The following CCDC152 variants were observed in gnomAD, a reference collection of about 807,000 sequenced individuals.
The protein encoded by CCDC152 is coiled-coil domain-containing protein 152.
Under a neutral mutation model 38.1 loss-of-function variants are expected in CCDC152, and 37 were observed. That is an observed-to-expected ratio of 0.97 (90% CI 0.75 to 1.28). CCDC152 has a LOEUF of 1.28. Among genes scored for constraint, CCDC152 ranks in the 50% most tolerant of loss-of-function variants. CCDC152 has a pLI of 0.00. For missense variants in CCDC152, 259 were observed against 292.1 expected (o/e 0.89, Z 0.83); for synonymous variants, 83 against 87.1 (o/e 0.95, Z 0.26).
chr5:42,769,639 C>A lies in CCDC152; in HGVS notation c.236C>A (p.Thr79Asn). The change falls in exon 4 of 9, where the codon ACC becomes AAC. Residue 79 changes from threonine (T) to asparagine (N), a missense_variant. Transcript: ENST00000361970. ...LHNIIKGLQQ[T>N]IEYQQNLKGE... Reference sequence around the variant, plus strand: ...AATATAATAAAAGGGCTACAACAGACCATTGAATATCAACAGAATTTGAAA... The same window carrying A: ...AATATAATAAAAGGGCTACAACAGAACATTGAATATCAACAGAATTTGAAA... 6.8e-7 allele frequency: 1 copy of A among 1,479,424 alleles called. No individual in the cohort carries two copies. Among genetic ancestry groups the A allele is most frequent in the Non-Finnish European group, 9.0e-7 (1 of 1,112,120 alleles). 91.6% of individuals were successfully genotyped at this position (1,479,424 alleles called of 1,614,324 possible).
chr5:42,800,681 G>A lies in CCDC152; in HGVS notation c.*900G>A, dbSNP rs1393234589. Reference sequence around the variant, plus strand: ...ATAAAAATGCTGGAAATGAAATTGTGTCTAGACTAAATTGGGGAGTATGTC... The same window carrying A: ...ATAAAAATGCTGGAAATGAAATTGTATCTAGACTAAATTGGGGAGTATGTC... On this transcript the variant is annotated 3_prime_UTR_variant, in exon 9 of 9. Transcript: ENST00000361970. 4.6e-6 allele frequency: 7 copies of A among 1,534,724 alleles called. No homozygotes were observed. Among genetic ancestry groups the A allele is most frequent in the Non-Finnish European group, 6.1e-6 (7 of 1,141,478 alleles).
intron 6 of CCDC152, among the ~76,000 whole-genome samples, chr5:42,788,545 C>T (rs1215379761): frequency 6.6e-6 from 1 of 152,102 alleles, no homozygotes; most frequent in Admixed American, 6.5e-5. Context: ...CAGGCATGAG[C>T]CACCGTGCCT....
chr5:42,800,591 T>G lies in CCDC152; in HGVS notation c.*810T>G. The G allele has an allele frequency of 1.8e-6, 2 of 1,136,562 alleles. No homozygotes were observed. Among genetic ancestry groups the G allele is most frequent in the Non-Finnish European group, 2.5e-6 (2 of 815,834 alleles). The allele number at this position is 1,136,562 out of a possible 1,614,324, so 70.4% of individuals were successfully genotyped here. On this transcript the variant is annotated 3_prime_UTR_variant, in exon 9 of 9. Coordinates refer to ENST00000361970, the MANE Select transcript of CCDC152 (RefSeq NM_001134848.2). ...TAAAATTTAAAATCTGGAAGCCAAT[T>G]CAGTAGATTTCTCCATGTTTGCACA...
At chr5:42,798,378 G>T (rs1447679759) in intron 7 of CCDC152, among the ~76,000 whole-genome samples, 2 of 152,184 alleles carry the variant, frequency 1.3e-5, no homozygotes, top group East Asian at 3.9e-4. Context: ...GAATCCCCAG[G>T]GTACTTGGTG....
At chr5:42,768,067 A>G (rs1179194892) in intron 3 of CCDC152, among the ~76,000 whole-genome samples, 1 of 152,190 alleles carries the variant, frequency 6.6e-6, no homozygotes, top group Non-Finnish European at 1.5e-5. Context: ...ATAGCACCTT[A>G]TAGCATCACA....
intron 6 of CCDC152, among the ~76,000 whole-genome samples, chr5:42,792,608 C>T (rs1267204659): frequency 6.6e-6 from 1 of 152,142 alleles, no homozygotes; most frequent in African/African-American, 2.4e-5. Flanking sequence ...ACCAGTGCTC[C>T]ACATACCACT....
At chr5:42,774,549 A>G (rs899638825) in intron 4 of CCDC152, among the ~76,000 whole-genome samples, 1 of 152,022 alleles carries the variant, frequency 6.6e-6, no homozygotes, top group Admixed American at 6.6e-5. Flanking sequence ...AGCCTTCCCA[A>G]CTCTAGCCCA....
intron 7 of CCDC152, 139 bp downstream of exon 7, chr5:42,797,095 AC>A: frequency 1.6e-6 from 1 of 621,270 alleles, no homozygotes; most frequent in South Asian, 2.0e-5. Flanking sequence ...CTCATTCTCC[AC>A]CAAATGATTG....
In CCDC152 at chr5:42,800,606, A is replaced by C. The variant is rs956472242; in HGVS notation, c.*825A>C. ...GGAAGCCAATTCAGTAGATTTCTCCATGTTTGCACAAATCTAATTTCTATT... is the reference window on the plus strand; with the variant it reads ...GGAAGCCAATTCAGTAGATTTCTCCCTGTTTGCACAAATCTAATTTCTATT... On this transcript the variant is annotated 3_prime_UTR_variant, in exon 9 of 9. Transcript: ENST00000361970. 5 of 1,275,312 alleles carry C rather than the reference A, an allele frequency of 3.9e-6. No homozygotes were observed. The African/African-American group carries it at 7.4e-5, about 19-fold the overall frequency. 79.0% of individuals were successfully genotyped at this position (1,275,312 alleles called of 1,614,324 possible).
intron 4 of CCDC152, among the ~76,000 whole-genome samples, chr5:42,770,132 CA>C (rs1327313063): frequency 6.6e-6 from 1 of 152,188 alleles, no homozygotes; most frequent in Non-Finnish European, 1.5e-5. Flanking sequence ...TCATGTTAAT[CA>C]AACAGGCCTA....
Position 42,801,386 on chromosome 5 carries a change from C to G in CCDC152, c.*1605C>G, listed in dbSNP as rs539953399. On this transcript the variant is annotated 3_prime_UTR_variant, in exon 9 of 9. Transcript: ENST00000361970. ...CAAGCTTATAGAGATAGGAATAATGCGTGAAAAATGATTTGTAGAGCTAAC... is the reference window on the plus strand; with the variant it reads ...CAAGCTTATAGAGATAGGAATAATGGGTGAAAAATGATTTGTAGAGCTAAC... 1 of 1,303,876 alleles carries G rather than the reference C, an allele frequency of 7.7e-7. No homozygotes were observed. The highest frequency in any genetic ancestry group is 2.3e-5 in the East Asian group (1 of 43,090). 80.8% of individuals were successfully genotyped at this position (1,303,876 alleles called of 1,614,324 possible).
intron 7 of CCDC152, among the ~76,000 whole-genome samples, chr5:42,797,691 A>T (rs1434310030): frequency 6.6e-6 from 1 of 152,164 alleles, no homozygotes; most frequent in Non-Finnish European, 1.5e-5. Flanking sequence ...ACCAACTAGA[A>T]ATTTATTTTG....
At chr5:42,774,162 A>C (rs1404971234) in intron 4 of CCDC152, among the ~76,000 whole-genome samples, 1 of 152,206 alleles carries the variant, frequency 6.6e-6, no homozygotes, top group Non-Finnish European at 1.5e-5. Context: ...TCACAACTTA[A>C]CAAGAGCAGA....
chr5:42,772,654 A>AAAAG (rs978119605), intron 4 of CCDC152, among the ~76,000 whole-genome samples: 11 of 151,712 alleles, frequency 7.3e-5, no homozygotes, highest in Admixed American at 2.0e-4. Flanking sequence ...CGTCTCAAAA[A>AAAAG]AAAAAAAAAA....
chr5:42,767,432 C>T (rs902698196), intron 3 of CCDC152, among the ~76,000 whole-genome samples: 1 of 151,724 alleles, frequency 6.6e-6, no homozygotes, highest in African/African-American at 2.4e-5. Context: ...ATCTTAGAGC[C>T]CACATTTGAG....
chr5:42,762,106 C>T (rs1443883478), intron 2 of CCDC152, among the ~76,000 whole-genome samples: 1 of 152,154 alleles, frequency 6.6e-6, no homozygotes, highest in Non-Finnish European at 1.5e-5. Flanking sequence ...CAAACCTGGA[C>T]AGCATGTTAC....
At position 42,800,294 on chromosome 5, in the gene CCDC152, TAGTTA is replaced by T. The variant is rs1337403004; in HGVS notation, c.*515_*519del. ...AAAATACAAAATCCACTTATTTTAT[TAGTTA>T]AAAGTAGAAGATTGAAAAGACAAAG... is the stretch of plus-strand genomic sequence containing the variant. On this transcript the variant is annotated 3_prime_UTR_variant, in exon 9 of 9. Transcript: ENST00000361970. The T allele has an allele frequency of 6.3e-6, 1 of 157,702 alleles. No individual in the cohort carries two copies. The highest frequency in any genetic ancestry group is 1.4e-5 in the Non-Finnish European group (1 of 71,744). The allele number at this position is 157,702 out of a possible 1,614,324, so 9.8% of individuals were successfully genotyped here. A position where few individuals can be genotyped will look rare whatever the true frequency, so the allele number is the denominator to read the frequency against.
intron 6 of CCDC152, among the ~76,000 whole-genome samples, chr5:42,783,810 G>T (rs554621305): frequency 7.8e-6 from 1 of 128,846 alleles, no homozygotes; most frequent in Non-Finnish European, 1.6e-5. Context: ...ACTACCCATT[G>T]TTTAGCTCCC....
Position 42,799,748 on chromosome 5 carries a change from CA to C in CCDC152, c.735del (p.Asp246IlefsTer85), listed in dbSNP as rs1355854996. On this transcript the variant is annotated frameshift_variant, in exon 9 of 9. Transcript: ENST00000361970. LOFTEE classifies it high-confidence loss of function. ...RDLEQRLSVG[K>X]DSHLKRRRF Reference sequence around the variant, plus strand: ...ATTTAGAGCAACGCCTTTCTGTTGGCAAAGATTCTCACCTTAAGCGTAGACG... The same window carrying C: ...ATTTAGAGCAACGCCTTTCTGTTGGCAAGATTCTCACCTTAAGCGTAGACG... The C allele has an allele frequency of 6.4e-7, 1 of 1,551,138 alleles. No homozygotes were observed. The highest frequency in any genetic ancestry group is 8.7e-7 in the Non-Finnish European group (1 of 1,146,796).
Sources: gnomAD v4.1 joint callset for allele counts (sites outside exome capture counted in the v4.1 genomes callset) on GRCh38, gnomAD v4.1.1 for gene constraint, MANE v1.5 for transcripts, NCBI Gene and HGNC (gene_info 2026-07-23, HGNC 2026-07-21) for gene names.